Variants in USP43 observed in about 807,000 individuals in gnomAD.
USP43 encodes the protein ubiquitin carboxyl-terminal hydrolase 43.
Under a neutral mutation model 90.7 loss-of-function variants are expected in USP43, and 33 were observed. The observed-to-expected ratio is 0.36, with a 90% confidence interval of 0.28 to 0.49. USP43 has a LOEUF of 0.49. Ranked by LOEUF, USP43 falls within the 20% of genes least tolerant of loss-of-function variation. USP43 has a pLI of 0.98. For missense variants in USP43, 1,274 were observed against 1,476.4 expected (o/e 0.86, Z 2.25); for synonymous variants, 598 against 615.8 (o/e 0.97, Z 0.43).
At chr17:9,665,395 G>A (rs1912970880) in intron 2 of USP43, among the ~76,000 whole-genome samples, 1 of 152,150 alleles carries the variant, frequency 6.6e-6, no homozygotes, top group Non-Finnish European at 1.5e-5. Flanking sequence ...GAAACTTACA[G>A]TCATGGTGGA....
rs944285870 is a variant in USP43, at chr17:9,645,733, C to A, written c.101C>A (p.Ala34Glu). 35 of 1,371,698 alleles carry A rather than the reference C, an allele frequency of 2.6e-5. No homozygotes were observed. The Admixed American group carries it at 3.8e-4, about 15-fold the overall frequency. The allele number at this position is 1,371,698 out of a possible 1,614,324, so 85.0% of individuals were successfully genotyped here. ...CGCCTGTTCAGCCGCTTCCTGCTGGCGCTGGGCAGCCGCTCACGCCCCGGG... is the reference window on the plus strand; with the variant it reads ...CGCCTGTTCAGCCGCTTCCTGCTGGAGCTGGGCAGCCGCTCACGCCCCGGG... ...LRRLFSRFLL[A>E]LGSRSRPGDS... Residue 34 changes from alanine (A) to glutamate (E), a missense_variant, in exon 1 of 15, where the codon GCG (alanine) becomes GAG (glutamate). Ala to Glu is a moderately radical substitution (Grantham distance 107). Coordinates refer to ENST00000285199, the MANE Select transcript of USP43 (RefSeq NM_153210.5). This position sits in a 1 kb window ranked among gnomAD's most constrained non-coding sequence, Gnocchi z 6.8.
In USP43 at chr17:9,728,102, C is replaced by G. The variant is rs762026752; in HGVS notation, c.2484C>G (p.Ala828=). The G allele has an allele frequency of 6.2e-7, 1 of 1,613,828 alleles. No homozygotes were observed. Among genetic ancestry groups the G allele is most frequent in the Non-Finnish European group, 8.5e-7 (1 of 1,179,892 alleles). Residue 828 remains alanine (A), a synonymous_variant, in exon 15 of 15, where the codon GCC becomes GCG. Transcript: ENST00000285199. This position sits in a 1 kb window ranked among gnomAD's most constrained non-coding sequence, Gnocchi z 6.2. ...GATCCAAGGAGAAACCACCAGGTGCCTCCGTCGAGTTGGTGGAGTACTTGG... is the reference window on the plus strand; with the variant it reads ...GATCCAAGGAGAAACCACCAGGTGCGTCCGTCGAGTTGGTGGAGTACTTGG... ...SFGSKEKPPG[A]SVELVEYLES...
chr17:9,727,503 A>G lies in USP43; in HGVS notation c.2336-451A>G, dbSNP rs556695535. The stretch of plus-strand genomic sequence containing the variant: ...GTTTTCACCATATTTTTTTAATTCC[A>G]TTTTTTTTTTCTTTTTTAGCCCAGG... On this transcript the variant is annotated intron_variant, in intron 14 of 14. Transcript: ENST00000285199. Among the ~76,000 whole-genome samples, 3 of 147,140 alleles carry G rather than the reference A, an allele frequency of 2.0e-5. No homozygotes were observed. In the South Asian group the frequency reaches 6.5e-4, roughly 32 times the overall value.
At position 9,728,982 on chromosome 17, in the gene USP43, A is replaced by C. The variant is rs1323773117; in HGVS notation, c.3364A>C (p.Ser1122Arg). 4 of 1,567,418 alleles carry C rather than the reference A, an allele frequency of 2.6e-6. No homozygotes were observed. Among genetic ancestry groups the C allele is most frequent in the Non-Finnish European group, 3.5e-6 (4 of 1,152,294 alleles). The change falls in exon 15 of 15, where the codon AGC (serine) becomes CGC (arginine). Residue 1122 changes from serine to arginine, a missense_variant. Ser to Arg is a moderately radical substitution (Grantham distance 110). This residue lies in a region of USP43 where 353 missense variants were observed against 329.7 expected (regional missense o/e 1.07). Coordinates refer to ENST00000285199, the MANE Select transcript of USP43 (RefSeq NM_153210.5). The surrounding 1 kb of genome is among the most constrained non-coding windows in gnomAD (Gnocchi z 6.2). ...LGRKKTLPES[S>R]F ...TCGAAAGAAAACCTTACCGGAGTCCAGCTTTTGATGGAGCGTGTCAGTATT... is the reference window on the plus strand; with the variant it reads ...TCGAAAGAAAACCTTACCGGAGTCCCGCTTTTGATGGAGCGTGTCAGTATT...
chr17:9,654,099 CAAG>C (rs1912061604), intron 1 of USP43, among the ~76,000 whole-genome samples: 1 of 152,050 alleles, frequency 6.6e-6, no homozygotes, highest in Non-Finnish European at 1.5e-5. Flanking sequence ...AATGTTGGTA[CAAG>C]AAGATAGGTT....
chr17:9,689,493 C>T (rs1188238770), intron 8 of USP43, among the ~76,000 whole-genome samples: 2 of 151,964 alleles, frequency 1.3e-5, no homozygotes, highest in African/African-American at 4.8e-5. Flanking sequence ...CTCACTGCAG[C>T]CTTGAACTCC....
chr17:9,728,016 C>G lies in USP43; in HGVS notation c.2398C>G (p.Pro800Ala), dbSNP rs1484299818. The G allele has an allele frequency of 6.2e-7, 1 of 1,613,368 alleles. No individual in the cohort carries two copies. Residue 800 changes from proline to alanine, a missense_variant, in exon 15 of 15, where the codon CCC becomes GCC. Physicochemically the swap from Pro to Ala is conservative, Grantham distance 27 (BLOSUM62 -1). Transcript: ENST00000285199. The surrounding 1 kb of genome is among the most constrained non-coding windows in gnomAD (Gnocchi z 6.2). ...VKGRSISMKAPTTSRAKQGPF... is the reference protein window; with the variant it reads ...VKGRSISMKAATTSRAKQGPF... ...AGGCAGAAGCATTAGCATGAAGGCA[C>G]CCACCACTTCCCGAGCCAAGCAGGG...
At chr17:9,727,898 CTG>C in intron 14 of USP43, 54 bp from the exon 15 acceptor site, 1 of 1,537,934 alleles carries the variant, frequency 6.5e-7, no homozygotes, top group Non-Finnish European at 8.8e-7. Flanking sequence ...CGTTAGATGA[CTG>C]GCATTTCAGC....
intron 2 of USP43, among the ~76,000 whole-genome samples, chr17:9,665,429 C>G (rs745960241): frequency 2.7e-4 from 41 of 152,248 alleles, no homozygotes; most frequent in Admixed American, 9.2e-4. Context: ...ACCGTCTTCA[C>G]AAGGTGTCAG....
intron 13 of USP43, among the ~76,000 whole-genome samples, chr17:9,710,954 C>T (rs1916159286): frequency 6.6e-6 from 1 of 151,998 alleles, no homozygotes; most frequent in African/African-American, 2.4e-5. Flanking sequence ...CAGATTTTCT[C>T]CTAACAGTTA....
At chr17:9,666,608 G>A (rs776795131) in intron 2 of USP43, 40 bp from the exon 3 acceptor site, 11 of 1,515,436 alleles carry the variant, frequency 7.3e-6, no homozygotes, top group African/African-American at 2.8e-5. Context: ...AGTGATGAGA[G>A]GTGTATCTAA....
At chr17:9,651,341 G>A (rs1413352450) in intron 1 of USP43, among the ~76,000 whole-genome samples, 1 of 151,908 alleles carries the variant, frequency 6.6e-6, no homozygotes, top group Non-Finnish European at 1.5e-5. Flanking sequence ...ACAGGCGCGC[G>A]CCACCATGCC....
intron 1 of USP43, among the ~76,000 whole-genome samples, chr17:9,655,703 G>C (rs777470876): frequency 1.1e-4 from 16 of 152,140 alleles, no homozygotes; most frequent in Non-Finnish European, 2.2e-4. Flanking sequence ...GTTCACTGTT[G>C]TATCCCCGGT....
At chr17:9,679,642 C>T (rs1241291966) in intron 5 of USP43, among the ~76,000 whole-genome samples, 2 of 151,376 alleles carry the variant, frequency 1.3e-5, no homozygotes, top group South Asian at 2.1e-4. Context: ...TCTCCTGCCT[C>T]AGCCTCCGTA....
At position 9,701,629 on chromosome 17, in the gene USP43, C is replaced by T. The variant is rs759529221; in HGVS notation, c.1940C>T (p.Pro647Leu). ...CCGGACTGCCTGCCCACCAGTTACC[C>T]GCTGGACTTCCTGTACGACCTGTAT... ...KQPDCLPTSY[P>L]LDFLYDLYAV... Residue 647 changes from proline (P) to leucine (L), a missense_variant, in exon 12 of 15, where the codon CCG becomes CTG. By Grantham distance (98) the Pro-to-Leu change is moderately conservative (BLOSUM62 -3). Coordinates refer to ENST00000285199, the MANE Select transcript of USP43 (RefSeq NM_153210.5). The surrounding 1 kb of genome is among the most constrained non-coding windows in gnomAD (Gnocchi z 7.2). The T allele has an allele frequency of 5.0e-6, 8 of 1,590,146 alleles. No individual in the cohort carries two copies. The highest frequency in any genetic ancestry group is 1.2e-5 in the South Asian group (1 of 86,936).
At chr17:9,677,504 T>C (rs1220239615) in intron 5 of USP43, among the ~76,000 whole-genome samples, 1 of 152,222 alleles carries the variant, frequency 6.6e-6, no homozygotes, top group African/African-American at 2.4e-5. Flanking sequence ...GATGGCTGTG[T>C]TCTACCTGTT....
chr17:9,720,460 T>C (rs1050616966), intron 14 of USP43, among the ~76,000 whole-genome samples: 2 of 150,482 alleles, frequency 1.3e-5, no homozygotes, highest in Non-Finnish European at 1.5e-5. Flanking sequence ...TCCTTCCCAC[T>C]ATCATGAGTT....
intron 12 of USP43, among the ~76,000 whole-genome samples, chr17:9,704,100 G>A (rs1000072549): frequency 1.1e-4 from 17 of 152,136 alleles, no homozygotes; most frequent in African/African-American, 4.1e-4. Context: ...AATGGGTCAG[G>A]CCAGTTTGAT....
chr17:9,665,674 G>T (rs372151344), intron 2 of USP43, among the ~76,000 whole-genome samples: 7 of 152,336 alleles, frequency 4.6e-5, no homozygotes, highest in African/African-American at 1.7e-4. Context: ...AGACTTTGGA[G>T]ATGTGATTAA....
Sources: allele counts gnomAD v4.1 joint callset (sites outside exome capture counted in the v4.1 genomes callset), GRCh38; gene constraint gnomAD v4.1.1; regional missense constraint gnomAD v4.1.1; non-coding constraint Gnocchi (gnomAD v3.1); transcripts MANE v1.5; gene names NCBI Gene and HGNC (gene_info 2026-07-23, HGNC 2026-07-21).